CA10: variants seen among roughly 807,000 people sequenced by gnomAD.
CA10 encodes carbonic anhydrase-related protein 10.
In CA10, 14 loss-of-function variants were observed where a neutral mutation model predicts 44.2. The observed-to-expected ratio is 0.32, with a 90% confidence interval of 0.21 to 0.50. The LOEUF (loss-of-function observed/expected upper bound fraction) is 0.50, where lower values mean the gene tolerates loss of function less well. CA10 is among the 20% of genes least tolerant of loss of function. CA10 has a pLI of 0.99. For missense variants in CA10, 350 were observed against 409.7 expected (o/e 0.85, Z 1.26); for synonymous variants, 159 against 141.6 (o/e 1.12, Z -0.87).
rs28679725 is a variant in CA10 at position 51,901,253 on chromosome 17, G to A, written c.279+29737C>T. Among the ~76,000 whole-genome samples the A allele has an allele frequency of 9.5e-3, 1,451 of 152,106 alleles. 20 individuals are homozygous for A. The highest frequency in any genetic ancestry group is 0.033 in the African/African-American group (1,361 of 41,500). ...CGGTATAAAGTGGGTTCAGTCAACT[G>A]GCTTCATTTCTGGAATATTTTAGGG... On this transcript the variant is annotated intron_variant, in intron 3 of 8. Transcript: ENST00000451037.
intron 4 of CA10, among the ~76,000 whole-genome samples, chr17:51,731,054 A>G (rs1258342251): frequency 6.6e-6 from 1 of 152,156 alleles, no homozygotes; most frequent in African/African-American, 2.4e-5. Context: ...GCTGAACATG[A>G]TGGTGCACAC....
intron 3 of CA10, among the ~76,000 whole-genome samples, chr17:51,856,907 T>C (rs1979071732): frequency 6.6e-6 from 1 of 152,190 alleles, no homozygotes; most frequent in South Asian, 2.1e-4. Context: ...TGACATAACA[T>C]AAAGTCCATG....
At chr17:51,654,845 T>G (rs775441650) in intron 4 of CA10, among the ~76,000 whole-genome samples, 1 of 152,150 alleles carries the variant, frequency 6.6e-6, no homozygotes, top group Non-Finnish European at 1.5e-5. Flanking sequence ...TGTGAGCCAC[T>G]GCGCCCGGCC....
chr17:51,948,336 C>T lies in CA10; in HGVS notation c.137-17204G>A, dbSNP rs561871042. ...AGCTCTTCCTGTTTGCCTCCTGTTCCGGTTGGCATTATTCCAGCGATGGGT... is the reference window on the plus strand; with the variant it reads ...AGCTCTTCCTGTTTGCCTCCTGTTCTGGTTGGCATTATTCCAGCGATGGGT... On this transcript the variant is annotated intron_variant, in intron 2 of 8. Transcript: ENST00000451037. Among the ~76,000 whole-genome samples the T allele has an allele frequency of 7.9e-5, 12 of 152,262 alleles. No individual in the cohort carries two copies. The South Asian group carries it at 1.5e-3, about 18-fold the overall frequency.
chr17:52,024,369 T>C (rs1343306301), intron 2 of CA10, among the ~76,000 whole-genome samples: 2 of 152,120 alleles, frequency 1.3e-5, no homozygotes, highest in African/African-American at 2.4e-5. Context: ...AAGATAATAA[T>C]GTTGAGCCTA....
intron 4 of CA10, among the ~76,000 whole-genome samples, chr17:51,705,212 C>A (rs1915727342): frequency 1.3e-5 from 2 of 152,172 alleles, no homozygotes; most frequent in Non-Finnish European, 2.9e-5. Flanking sequence ...GTACCTTTCC[C>A]CATCTTCTAT....
chr17:51,738,328 G>A (rs150249394), intron 4 of CA10, among the ~76,000 whole-genome samples: 36 of 152,170 alleles, frequency 2.4e-4, no homozygotes, highest in East Asian at 2.3e-3. Context: ...GCTAGACATC[G>A]AATGATTTAA....
At chr17:51,781,747 AT>A (rs939814446) in intron 3 of CA10, among the ~76,000 whole-genome samples, 2 of 152,152 alleles carry the variant, frequency 1.3e-5, no homozygotes, top group African/African-American at 4.8e-5. Context: ...CTTTATCCCT[AT>A]GCCATATAGA....
chr17:51,665,421 A>T (rs1914172229), intron 4 of CA10, among the ~76,000 whole-genome samples: 1 of 152,140 alleles, frequency 6.6e-6, no homozygotes, highest in Non-Finnish European at 1.5e-5. Flanking sequence ...CTTTATCTGG[A>T]AAACATGGAG....
intron 1 of CA10, among the ~76,000 whole-genome samples, chr17:52,129,667 G>A (rs1989191808): frequency 6.6e-6 from 1 of 152,194 alleles, no homozygotes; most frequent in South Asian, 2.1e-4. Flanking sequence ...TAAGTACAAA[G>A]TAAGTACTCA....
intron 3 of CA10, among the ~76,000 whole-genome samples, chr17:51,814,101 T>G (rs1907476726): frequency 6.6e-6 from 1 of 152,226 alleles, no homozygotes; most frequent in African/African-American, 2.4e-5. Flanking sequence ...TCTAGCTGCA[T>G]GATCTTCGGC....
chr17:51,788,167 TA>T (rs1567839730), intron 3 of CA10, among the ~76,000 whole-genome samples: 1 of 152,220 alleles, frequency 6.6e-6, no homozygotes, highest in Non-Finnish European at 1.5e-5. Context: ...TTTGCTCCAA[TA>T]TTTTTTTCAA....
chr17:52,019,771 T>C (rs1986077865), intron 2 of CA10, among the ~76,000 whole-genome samples: 1 of 152,072 alleles, frequency 6.6e-6, no homozygotes, highest in Non-Finnish European at 1.5e-5. Context: ...TAATTTCCAA[T>C]GTAATTGCTT....
chr17:51,775,845 G>C (rs1169794035), intron 3 of CA10, among the ~76,000 whole-genome samples: 1 of 152,138 alleles, frequency 6.6e-6, no homozygotes, highest in Non-Finnish European at 1.5e-5. Context: ...AATGAGGGAT[G>C]ATCTCTTCAC....
At chr17:51,937,826 T>C (rs528218076) in intron 2 of CA10, among the ~76,000 whole-genome samples, 2 of 152,170 alleles carry the variant, frequency 1.3e-5, no homozygotes, top group Non-Finnish European at 1.5e-5. Context: ...GGCCCTTTTC[T>C]CAAGTGCTAA....
chr17:52,121,935 G>T (rs984880492), intron 1 of CA10, among the ~76,000 whole-genome samples: 5 of 152,178 alleles, frequency 3.3e-5, no homozygotes, highest in African/African-American at 1.2e-4. Context: ...GCATCTCTCA[G>T]AATGTAGCAA....
Position 51,649,237 on chromosome 17 carries a change from G to A in CA10, c.579C>T (p.Asn193=), listed in dbSNP as rs953275396. ...SIFIKVSDSS[N]PFLNRMLNRD... ...TGTTGAGCATTCGATTAAGAAATGG[G>A]TTTGATGAATCAGAAACCTGGAGGA... Residue 193 remains asparagine, a synonymous_variant, in exon 6 of 9, where the codon AAC becomes AAT. Transcript: ENST00000451037. The A allele has an allele frequency of 1.9e-5, 31 of 1,612,818 alleles. No individual in the cohort carries two copies. The highest frequency in any genetic ancestry group is 2.6e-5 in the Non-Finnish European group (31 of 1,178,874).
chr17:51,865,795 C>T (rs532623566), intron 3 of CA10, among the ~76,000 whole-genome samples: 1 of 152,250 alleles, frequency 6.6e-6, no homozygotes, highest in South Asian at 2.1e-4. Context: ...TGATGTTAGG[C>T]TGCCTCTATA....
intron 2 of CA10, among the ~76,000 whole-genome samples, chr17:52,027,803 G>A (rs991304920): frequency 6.6e-6 from 1 of 152,130 alleles, no homozygotes; most frequent in East Asian, 1.9e-4. Context: ...TGAGAAAGCT[G>A]TGAGTCACAG....
Sources: allele counts gnomAD v4.1 joint callset (sites outside exome capture counted in the v4.1 genomes callset), GRCh38; gene constraint gnomAD v4.1.1; transcripts MANE v1.5; gene names NCBI Gene and HGNC (gene_info 2026-07-23, HGNC 2026-07-21).